Variants in PIP5K1B observed in about 807,000 individuals in gnomAD.
PIP5K1B encodes phosphatidylinositol-4-phosphate 5-kinase type 1 beta.
A neutral mutation model predicts 67.0 loss-of-function variants in PIP5K1B; 42 were observed. That is an observed-to-expected ratio of 0.63 (90% CI 0.49 to 0.81). The LOEUF is 0.81. Ranked by LOEUF, PIP5K1B falls within the 30% of genes least tolerant of loss-of-function variation. The pLI is 0.00. For missense variants in PIP5K1B, 459 were observed against 646.3 expected, an observed-to-expected ratio of 0.71 and a Z score of 3.14; for synonymous variants, 214 against 231.4, an observed-to-expected ratio of 0.92 and a Z score of 0.68.
intron 14 of PIP5K1B, among the ~76,000 whole-genome samples, chr9:68,951,965 A>G (rs1013429432): frequency 1.3e-5 from 2 of 152,154 alleles, no homozygotes; most frequent in African/African-American, 4.8e-5. Flanking sequence ...ACTATAGAAG[A>G]CGAAGATTTA....
chr9:68,724,721 G>A (rs1172906011), intron 1 of PIP5K1B, among the ~76,000 whole-genome samples: 1 of 151,282 alleles, frequency 6.6e-6, no homozygotes, highest in Non-Finnish European at 1.5e-5. Flanking sequence ...TTTCTTTTTC[G>A]ATTTGATCAC....
chr9:68,812,996 A>G (rs555519275), intron 2 of PIP5K1B, among the ~76,000 whole-genome samples: 2 of 152,356 alleles, frequency 1.3e-5, no homozygotes, highest in South Asian at 4.1e-4. Flanking sequence ...GGAGCATCAG[A>G]CTAACATGAA....
At chr9:68,878,013 C>CTGTGTGTGTGTGTGTGTG (rs35871698) in intron 6 of PIP5K1B, among the ~76,000 whole-genome samples, 38 of 142,094 alleles carry the variant, frequency 2.7e-4, no homozygotes, top group Admixed American at 5.7e-4. Context: ...CGCATTTGTT[C>CTGTGTGTGTGTGTGTGTG]TGTGTGTGTG....
At chr9:68,808,958 C>T (rs1439553009) in intron 2 of PIP5K1B, among the ~76,000 whole-genome samples, 1 of 152,134 alleles carries the variant, frequency 6.6e-6, no homozygotes, top group Non-Finnish European at 1.5e-5. Context: ...ATGTAAGACA[C>T]CATAGTTCTA....
chr9:68,811,787 G>T (rs1833182732), intron 2 of PIP5K1B, among the ~76,000 whole-genome samples: 1 of 152,132 alleles, frequency 6.6e-6, no homozygotes, highest in African/African-American at 2.4e-5. Flanking sequence ...TACCCAAAGT[G>T]GTTTCTGTTT....
rs561707641 is a variant in PIP5K1B, at chr9:68,935,066, T to A, written c.1357+21T>A. The A allele has an allele frequency of 6.3e-6, 10 of 1,599,604 alleles. No individual in the cohort carries two copies. The African/African-American group carries it at 6.7e-5, about 11-fold the overall frequency. On this transcript the variant is annotated intron_variant, in intron 13 of 15. Coordinates refer to ENST00000265382, the MANE Select transcript of PIP5K1B (RefSeq NM_003558.4). ...AGAAGGTAAAGATATGTAACTTTTT[T>A]AAAAAGACAAACGTTCTTGTGATTT...
At chr9:68,993,528 T>C (rs969100937) in intron 15 of PIP5K1B, among the ~76,000 whole-genome samples, 3 of 152,126 alleles carry the variant, frequency 2.0e-5, no homozygotes, top group African/African-American at 7.2e-5. Context: ...TTTTTTGCAC[T>C]GAGCAATGCT....
intron 14 of PIP5K1B, among the ~76,000 whole-genome samples, chr9:68,957,183 C>T (rs73647043): frequency 0.035 from 5,256 of 151,658 alleles, 90 homozygotes; most frequent in Middle Eastern, 0.041. Context: ...GCCATAGCTT[C>T]AGACATCACG....
chr9:68,715,779 G>T (rs952463407), intron 1 of PIP5K1B, among the ~76,000 whole-genome samples: 2 of 152,176 alleles, frequency 1.3e-5, no homozygotes, highest in Admixed American at 6.5e-5. Context: ...CAGAGATCAT[G>T]AATGAACCAC....
chr9:68,992,885 G>A (rs1349019032), intron 15 of PIP5K1B, among the ~76,000 whole-genome samples: 3 of 138,128 alleles, frequency 2.2e-5, no homozygotes, highest in East Asian at 2.2e-4. Context: ...CTGGCTGGGC[G>A]CAGTGGCTCA....
chr9:68,909,224 T>C (rs1825747612), intron 8 of PIP5K1B, among the ~76,000 whole-genome samples: 4 of 152,204 alleles, frequency 2.6e-5, no homozygotes, highest in South Asian at 4.1e-4. Context: ...AGACCAAATA[T>C]TGTAATGAAT....
intron 14 of PIP5K1B, among the ~76,000 whole-genome samples, chr9:68,957,000 T>C (rs1196494170): frequency 1.3e-5 from 2 of 152,166 alleles, no homozygotes; most frequent in Non-Finnish European, 2.9e-5. Flanking sequence ...TGGCTTGAGA[T>C]AGAATAAAGG....
intron 4 of PIP5K1B, 110 bp downstream of exon 4, chr9:68,822,793 T>G (rs1435663051): frequency 2.7e-6 from 2 of 753,828 alleles, no homozygotes; most frequent in African/African-American, 1.8e-5. Flanking sequence ...CTATCTTAGT[T>G]TCCAGTTGCT....
chr9:68,931,575 A>G (rs1826999323), intron 12 of PIP5K1B, among the ~76,000 whole-genome samples: 1 of 152,262 alleles, frequency 6.6e-6, no homozygotes, highest in Admixed American at 6.5e-5. Context: ...AAGAGAGCTC[A>G]CAGAGAAAAA....
intron 9 of PIP5K1B, among the ~76,000 whole-genome samples, chr9:68,918,419 A>G (rs1480916872): frequency 6.6e-6 from 1 of 152,146 alleles, no homozygotes; most frequent in Admixed American, 6.6e-5. Flanking sequence ...CAAATACACA[A>G]TAAGAATGAT....
chr9:68,832,901 G>T (rs1834394972), intron 4 of PIP5K1B, among the ~76,000 whole-genome samples: 1 of 152,144 alleles, frequency 6.6e-6, no homozygotes, highest in South Asian at 2.1e-4. Context: ...AGACTGTCTG[G>T]GTAACATTCT....
At chr9:68,924,139 G>A (rs1167414378) in intron 12 of PIP5K1B, among the ~76,000 whole-genome samples, 1 of 149,840 alleles carries the variant, frequency 6.7e-6, no homozygotes, top group East Asian at 1.9e-4. Context: ...AGGAGGCCGG[G>A]CGCGGTAATC....
At chr9:68,827,367 G>A (rs1294770718) in intron 4 of PIP5K1B, among the ~76,000 whole-genome samples, 3 of 152,236 alleles carry the variant, frequency 2.0e-5, no homozygotes, top group African/African-American at 4.8e-5. Flanking sequence ...GCACCAATGC[G>A]GTAGCCACAA....
intron 14 of PIP5K1B, among the ~76,000 whole-genome samples, chr9:68,988,243 T>A (rs892740272): frequency 6.6e-6 from 1 of 151,924 alleles, no homozygotes; most frequent in East Asian, 1.9e-4. Flanking sequence ...TCTGTGAGTT[T>A]AAAGTTATTT....
Sources: gnomAD v4.1 joint callset for allele counts (sites outside exome capture counted in the v4.1 genomes callset) on GRCh38, gnomAD v4.1.1 for gene constraint, MANE v1.5 for transcripts, NCBI Gene and HGNC (gene_info 2026-07-23, HGNC 2026-07-21) for gene names.